Variants in GABRA3 observed in about 807,000 individuals in gnomAD.
GABRA3 encodes the protein gamma-aminobutyric acid type A receptor subunit alpha3, also known as gamma-aminobutyric acid receptor subunit alpha-3.
A neutral mutation model predicts 30.1 loss-of-function variants in GABRA3; 10 were observed. The observed-to-expected ratio is 0.33, with a 90% confidence interval of 0.20 to 0.56. The LOEUF is 0.56. Ranked by LOEUF, GABRA3 falls within the 20% of genes least tolerant of loss-of-function variation. The pLI, the probability that GABRA3 is intolerant of heterozygous loss-of-function variation, is 0.89. For missense variants in GABRA3, 233 were observed against 392.0 expected (o/e 0.59, Z 3.42); for synonymous variants, 151 against 146.8 (o/e 1.03, Z -0.21).
At chrX:152,251,449 C>T (rs1254588900) in intron 5 of GABRA3, among the ~76,000 whole-genome samples, 1 of 110,160 alleles carries the variant, frequency 9.1e-6, no homozygotes, top group East Asian at 2.9e-4. Flanking sequence ...ATTCTCTATG[C>T]TTTATTCCTT....
intron 1 of GABRA3, among the ~76,000 whole-genome samples, chrX:152,418,208 C>T (rs1045651591): frequency 9.9e-5 from 11 of 110,697 alleles, no homozygotes; most frequent in African/African-American, 3.6e-4. Context: ...ATACTTAAAA[C>T]ATAACACCCA....
chrX:152,218,662 A>T lies in GABRA3; in HGVS notation c.634+6101T>A, dbSNP rs754222752. ...TCTGTGTTTAAGTGTGTATTTCTTT[A>T]TAATTGTTATACTTTTTTCTGATGG... is the stretch of plus-strand genomic sequence containing the variant. On this transcript the variant is annotated intron_variant, in intron 6 of 9. Coordinates refer to ENST00000370314, the MANE Select transcript of GABRA3 (RefSeq NM_000808.4). Among the ~76,000 whole-genome samples the T allele has an allele frequency of 3.4e-4, 38 of 110,933 alleles. 1 individual carries two copies. The highest frequency in any genetic ancestry group is 4.6e-3 in the Middle Eastern group (1 of 216).
chrX:152,285,319 A>G (rs1048287286), intron 3 of GABRA3, among the ~76,000 whole-genome samples: 1 of 112,276 alleles, frequency 8.9e-6, no homozygotes, highest in African/African-American at 3.2e-5. Context: ...ACTGCCCTGG[A>G]GAGTTGCCTG....
chrX:152,415,832 G>A (rs1172252073), intron 1 of GABRA3, among the ~76,000 whole-genome samples: 1 of 110,661 alleles, frequency 9.0e-6, no homozygotes, highest in Non-Finnish European at 1.9e-5. Context: ...ATTAACTAGG[G>A]CTTTCTCTAT....
intron 8 of GABRA3, among the ~76,000 whole-genome samples, chrX:152,190,445 C>G (rs1937309126): frequency 9.0e-6 from 1 of 111,271 alleles, no homozygotes; most frequent in Non-Finnish European, 1.9e-5. Context: ...TCAGAATGAA[C>G]ATGGAGATTC....
intron 1 of GABRA3, among the ~76,000 whole-genome samples, chrX:152,412,203 C>A (rs1930090858): frequency 9.0e-6 from 1 of 110,884 alleles, no homozygotes; most frequent in African/African-American, 3.3e-5. Context: ...AGATTAGAAC[C>A]CTTATATATT....
At chrX:152,436,932 C>T (rs929325352) in intron 1 of GABRA3, among the ~76,000 whole-genome samples, 61 of 111,138 alleles carry the variant, frequency 5.5e-4, no homozygotes, top group Non-Finnish European at 8.9e-4. Context: ...AAACACATAT[C>T]TTCTAAAGAA....
At chrX:152,197,562 C>T (rs1937405540) in intron 8 of GABRA3, 71 bp downstream of exon 8, 3 of 1,001,899 alleles carry the variant, frequency 3.0e-6, no homozygotes, top group Non-Finnish European at 4.1e-6. Context: ...AGCCATTCTT[C>T]CACCTTTCTC....
intron 1 of GABRA3, among the ~76,000 whole-genome samples, chrX:152,426,889 A>G (rs1465917036): frequency 8.9e-6 from 1 of 112,452 alleles, no homozygotes; most frequent in Non-Finnish European, 1.9e-5. Flanking sequence ...AAACAATGAT[A>G]TGTCATTGAT....
intron 1 of GABRA3, among the ~76,000 whole-genome samples, chrX:152,366,073 C>T (rs150113260): frequency 2.7e-5 from 3 of 111,621 alleles, no homozygotes; most frequent in East Asian, 5.6e-4. Context: ...AGGAATGGTA[C>T]GGTTCAGAAA....
At chrX:152,220,328 T>A (rs191668323) in intron 6 of GABRA3, among the ~76,000 whole-genome samples, 1 of 111,942 alleles carries the variant, frequency 8.9e-6, no homozygotes, top group African/African-American at 3.2e-5. Context: ...AGATTCTATA[T>A]ACACTTATGT....
intron 1 of GABRA3, among the ~76,000 whole-genome samples, chrX:152,437,545 T>C (rs1930807111): frequency 2.7e-5 from 3 of 111,360 alleles, no homozygotes. Context: ...GAAGTTTATA[T>C]AGGAAGACAA....
chrX:152,399,296 T>C (rs1318451274), intron 1 of GABRA3, among the ~76,000 whole-genome samples: 1 of 111,931 alleles, frequency 8.9e-6, no homozygotes, highest in Non-Finnish European at 1.9e-5. Flanking sequence ...ATAAGGATTC[T>C]CAACTTTAAG....
At chrX:152,250,160 T>C (rs1045004055) in intron 5 of GABRA3, among the ~76,000 whole-genome samples, 1 of 111,629 alleles carries the variant, frequency 9.0e-6, no homozygotes, top group African/African-American at 3.3e-5. Context: ...CAGCTTTCTT[T>C]GATAACCCTA....
intron 1 of GABRA3, among the ~76,000 whole-genome samples, chrX:152,391,648 C>T (rs1462783767): frequency 9.0e-6 from 1 of 111,483 alleles, no homozygotes; most frequent in Non-Finnish European, 1.9e-5. Context: ...TAGTAGTCAA[C>T]TACTGTGCTA....
chrX:152,305,822 C>A (rs963400652), intron 3 of GABRA3, among the ~76,000 whole-genome samples: 2 of 111,055 alleles, frequency 1.8e-5, no homozygotes, highest in Admixed American at 9.6e-5. Flanking sequence ...GCCTACATAT[C>A]AAAACCAATG....
rs183075873 is a variant in GABRA3, at chrX:152,182,585, G to A, written c.1143+7145C>T. 1.3e-3 allele frequency among the ~76,000 whole-genome samples: 79 copies of A among 63,096 alleles called. 1 individual carries two copies. Among genetic ancestry groups the A allele is most frequent in the African/African-American group, 4.9e-3 (71 of 14,371 alleles). 54.8% of individuals were successfully genotyped at this position (63,096 alleles called of 115,157 possible). A position where few individuals can be genotyped will look rare whatever the true frequency, so the allele number is the denominator to read the frequency against. On this transcript the variant is annotated intron_variant, in intron 9 of 9. Transcript: ENST00000370314. ...TATATACTATATATGCATATATAGT[G>A]TATATACACACTATATATACTATAT...
At chrX:152,403,376 C>G (rs1251071197) in intron 1 of GABRA3, among the ~76,000 whole-genome samples, 8 of 106,478 alleles carry the variant, frequency 7.5e-5, no homozygotes. Context: ...AACTATAAAA[C>G]TTAGAAATAT....
At chrX:152,184,028 T>G (rs1937221129) in intron 9 of GABRA3, among the ~76,000 whole-genome samples, 1 of 111,323 alleles carries the variant, frequency 9.0e-6, no homozygotes, top group Non-Finnish European at 1.9e-5. Context: ...ACTGATTTCC[T>G]TTAATTTATT....
Sources: allele counts gnomAD v4.1 joint callset (sites outside exome capture counted in the v4.1 genomes callset), GRCh38; gene constraint gnomAD v4.1.1; transcripts MANE v1.5; gene names NCBI Gene and HGNC (gene_info 2026-07-23, HGNC 2026-07-21).